Variants in ATR observed in about 807,000 individuals in gnomAD.
ATR encodes ATR checkpoint kinase.
A neutral mutation model predicts 305.3 loss-of-function variants in ATR; 142 were observed. The ratio of observed to expected loss-of-function variants is 0.47; its 90% confidence interval spans 0.41 to 0.53. ATR has a LOEUF of 0.53. ATR is among the 20% of genes least tolerant of loss of function. The pLI, the probability that ATR is intolerant of heterozygous loss-of-function variation, is 0.00. For synonymous variants in ATR, 1,050 were observed against 1,068.1 expected, an observed-to-expected ratio of 0.98 and a Z score of 0.33; for missense variants, 2,135 against 3,133.1, an observed-to-expected ratio of 0.68 and a Z score of 7.60.
chr3:142,470,292 G>T lies in ATR; in HGVS notation c.6222-109C>A. On this transcript the variant is annotated intron_variant, in intron 36 of 46. Coordinates refer to ENST00000350721, the MANE Select transcript of ATR (RefSeq NM_001184.4). ...CACATACCGTTTTCACAAAAATTAT[G>T]GTATCAATATTTCTTCCTAGAAGTT... The T allele has an allele frequency of 9.7e-6, 9 of 930,810 alleles. No homozygotes were observed. In the South Asian group the frequency reaches 1.4e-4, roughly 14 times the overall value. The allele number at this position is 930,810 out of a possible 1,614,324, so 57.7% of individuals were successfully genotyped here.
chr3:142,490,438 G>T (rs2031212025), intron 35 of ATR, among the ~76,000 whole-genome samples: 1 of 152,112 alleles, frequency 6.6e-6, no homozygotes, highest in African/African-American at 2.4e-5. Flanking sequence ...TGTATTACAA[G>T]TATTTTCTCC....
intron 27 of ATR, among the ~76,000 whole-genome samples, chr3:142,509,098 G>A (rs1032022054): frequency 1.2e-4 from 19 of 152,066 alleles, no homozygotes; most frequent in African/African-American, 1.9e-4. Context: ...TGATTCATAA[G>A]TGTGTAGAAA....
At chr3:142,503,920 A>T (rs541673380) in intron 29 of ATR, among the ~76,000 whole-genome samples, 1 of 152,344 alleles carries the variant, frequency 6.6e-6, no homozygotes, top group Non-Finnish European at 1.5e-5. Context: ...CTGTTTAAAG[A>T]TTGTCATATT....
At chr3:142,451,343 T>G in intron 46 of ATR, 2 of 1,314,476 alleles carry the variant, frequency 1.5e-6, no homozygotes, top group Non-Finnish European at 2.0e-6. Context: ...CAAAAAATTT[T>G]CAAGATTTAG....
At chr3:142,536,384 C>T (rs545550055) in intron 19 of ATR, among the ~76,000 whole-genome samples, 183 bp from the exon 20 acceptor site, 2 of 152,176 alleles carry the variant, frequency 1.3e-5, no homozygotes, top group Admixed American at 1.3e-4. Flanking sequence ...TGGAAAATGA[C>T]CAAAGCTATG....
At chr3:142,543,425 CCCTCCGTCCGTCCTTTCTT>C (rs2034133480) in intron 16 of ATR, among the ~76,000 whole-genome samples, 1 of 149,712 alleles carries the variant, frequency 6.7e-6, no homozygotes. Flanking sequence ...TTTCCTCCCT[CCCTCCGTCCGTCCTTTCTT>C]CCTCCCTCCT....
rs1409098984 is a variant in ATR, at chr3:142,559,075, T to G, written c.1732+176A>C. Reference sequence around the variant, plus strand: ...TATTGACTAAAGAATCAAAATATTATGCACATAAATTGGCAACTCAGAACT... The same window carrying G: ...TATTGACTAAAGAATCAAAATATTAGGCACATAAATTGGCAACTCAGAACT... On this transcript the variant is annotated intron_variant, in intron 7 of 46. Coordinates refer to ENST00000350721, the MANE Select transcript of ATR (RefSeq NM_001184.4). 5.8e-6 allele frequency: 4 copies of G among 691,754 alleles called. No individual in the cohort carries two copies. In the Admixed American group the frequency reaches 1.3e-4, roughly 23 times the overall value. The allele number at this position is 691,754 out of a possible 1,614,324, so 42.9% of individuals were successfully genotyped here. A position where few individuals can be genotyped will look rare whatever the true frequency, so the allele number is the denominator to read the frequency against.
At chr3:142,464,759 T>C (rs1239591961) in intron 41 of ATR, among the ~76,000 whole-genome samples, 1 of 152,150 alleles carries the variant, frequency 6.6e-6, no homozygotes, top group Non-Finnish European at 1.5e-5. Flanking sequence ...AGTTCCAATT[T>C]GGGAAGATGA....
rs777679157 is a variant in ATR at position 142,497,040 on chromosome 3, C to T, written c.5711G>A (p.Arg1904Gln). 4 of 1,612,894 alleles carry T rather than the reference C, an allele frequency of 2.5e-6. No homozygotes were observed. Among genetic ancestry groups the T allele is most frequent in the African/African-American group, 2.7e-5 (2 of 74,784 alleles). The change falls in exon 33 of 47, where the codon CGG becomes CAG. Residue 1904 changes from arginine to glutamine, a missense_variant. Coordinates refer to ENST00000350721, the MANE Select transcript of ATR (RefSeq NM_001184.4). ...TTTGTTGAGGCTTAGTAAAGCCCTC[C>T]GGAGAGCCAGGATAGGCTCCTTGGC... Reference protein sequence around the residue: ...YRAKEPILALRRALLSLNKRP... With the variant: ...YRAKEPILALQRALLSLNKRP...
intron 28 of ATR, 73 bp from the exon 29 acceptor site, chr3:142,505,376 T>G (rs2032185572): frequency 6.4e-7 from 1 of 1,563,766 alleles, no homozygotes; most frequent in Non-Finnish European, 8.7e-7. Flanking sequence ...TAAAACCACC[T>G]GTTTATATTG....
chr3:142,473,577 A>G, intron 36 of ATR, among the ~76,000 whole-genome samples: 1 of 149,964 alleles, frequency 6.7e-6, no homozygotes, highest in Non-Finnish European at 1.5e-5. Flanking sequence ...ACATAGTCTC[A>G]GTCTGTCACC....
chr3:142,544,711 G>A (rs2034204064), intron 16 of ATR, among the ~76,000 whole-genome samples: 1 of 151,382 alleles, frequency 6.6e-6, no homozygotes, highest in African/African-American at 2.4e-5. Flanking sequence ...TTGATGTTGA[G>A]GCATCTGATT....
intron 21 of ATR, among the ~76,000 whole-genome samples, chr3:142,528,914 C>T (rs1183947208): frequency 1.1e-5 from 1 of 91,076 alleles, no homozygotes; most frequent in African/African-American, 5.3e-5. Context: ...GGCAGAGTCT[C>T]ACTGTGTCAC....
chr3:142,533,489 G>A (rs1437683306), intron 21 of ATR, among the ~76,000 whole-genome samples: 1 of 152,116 alleles, frequency 6.6e-6, no homozygotes, highest in Non-Finnish European at 1.5e-5. Flanking sequence ...TAATTCAATT[G>A]TATTCAACTT....
intron 32 of ATR, among the ~76,000 whole-genome samples, chr3:142,498,256 A>T (rs749128425): frequency 2.0e-5 from 3 of 152,218 alleles, no homozygotes; most frequent in Non-Finnish European, 4.4e-5. Context: ...TCTAAATGAA[A>T]AGGAAAGGGA....
chr3:142,548,759 A>T (rs1166645944), intron 15 of ATR, among the ~76,000 whole-genome samples: 2 of 152,156 alleles, frequency 1.3e-5, no homozygotes, highest in East Asian at 3.8e-4. Flanking sequence ...TGTTTAGCTC[A>T]ATTTCTGACA....
At chr3:142,471,457 C>T (rs906314104) in intron 36 of ATR, among the ~76,000 whole-genome samples, 7 of 152,148 alleles carry the variant, frequency 4.6e-5, no homozygotes, top group African/African-American at 1.4e-4. Context: ...AGTTTAATGA[C>T]ATAGAATTGC....
At position 142,524,009 on chromosome 3, in the gene ATR, T is replaced by C. The variant is rs763554358; in HGVS notation, c.4136A>G (p.Lys1379Arg). The change falls in exon 22 of 47, where the codon AAA (lysine) becomes AGA (arginine). Residue 1379 changes from lysine (K) to arginine (R), a missense_variant. This residue lies in a region of ATR where 530 missense variants were observed against 766.8 expected (regional missense o/e 0.69). Coordinates refer to ENST00000350721, the MANE Select transcript of ATR (RefSeq NM_001184.4). Reference protein sequence around the residue: ...LDFSTTETQGKDFTFVTGVED... With the variant: ...LDFSTTETQGRDFTFVTGVED... Reference sequence around the variant, plus strand: ...ACTACTTACCACAAATGTAAAATCTTTTCCTTGAGTTTCAGTTGTTGAGAA... The same window carrying C: ...ACTACTTACCACAAATGTAAAATCTCTTCCTTGAGTTTCAGTTGTTGAGAA... The C allele has an allele frequency of 1.2e-6, 2 of 1,614,068 alleles. No individual in the cohort carries two copies. The highest frequency in any genetic ancestry group is 1.7e-6 in the Non-Finnish European group (2 of 1,179,960).
intron 21 of ATR, 86 bp from the exon 22 acceptor site, chr3:142,524,285 G>A (rs1176965266): frequency 1.6e-6 from 2 of 1,251,638 alleles, no homozygotes; most frequent in Non-Finnish European, 2.2e-6. Context: ...AAATATTAAG[G>A]AATATCTAAC....
Sources: gnomAD v4.1 joint callset for allele counts (sites outside exome capture counted in the v4.1 genomes callset) on GRCh38, gnomAD v4.1.1 for gene constraint, gnomAD v4.1.1 regional missense constraint, MANE v1.5 for transcripts, NCBI Gene and HGNC (gene_info 2026-07-23, HGNC 2026-07-21) for gene names.